The following ASB14 variants were observed in gnomAD, a reference collection of about 807,000 sequenced individuals.
The protein encoded by ASB14 is ankyrin repeat and SOCS box protein 14.
In ASB14, 63 loss-of-function variants were observed where a neutral mutation model predicts 55.6. The ratio of observed to expected loss-of-function variants is 1.13; its 90% CI spans 0.92 to 1.40. The LOEUF is 1.40. ASB14 is among the 40% of genes most tolerant of loss of function. The probability of loss-of-function intolerance (pLI) is 0.00; values close to 1 mark genes in which losing one functional copy is unlikely to be tolerated. For synonymous variants in ASB14, 256 were observed against 259.9 expected (o/e 0.98, Z 0.15); for missense variants, 724 against 710.4 (o/e 1.02, Z -0.22).
intron 10 of ASB14, 155 bp from the exon 11 acceptor site, chr3:57,269,773 C>G (rs1205184485): frequency 7.0e-7 from 1 of 1,418,442 alleles, no homozygotes; most frequent in Non-Finnish European, 9.8e-7. Context: ...GTTGAAATAT[C>G]AAGGAGGAGA....
At chr3:57,283,606 A>C (rs1184222241) in intron 5 of ASB14, among the ~76,000 whole-genome samples, 167 bp from the exon 6 acceptor site, 1 of 152,170 alleles carries the variant, frequency 6.6e-6, no homozygotes, top group African/African-American at 2.4e-5. Context: ...GTGTCAAATA[A>C]TACTTACTGA....
Position 57,291,813 on chromosome 3 carries a change from C to T in ASB14, c.122+99G>A, listed in dbSNP as rs568294467. On this transcript the variant is annotated intron_variant, in intron 2 of 10. Transcript: ENST00000487349. ...TAATTGACAGCTCCTTGGATTCTGACCCTCCTGTTTTTGTCACAACACTAG... is the reference window on the plus strand; with the variant it reads ...TAATTGACAGCTCCTTGGATTCTGATCCTCCTGTTTTTGTCACAACACTAG... 10 of 1,038,046 alleles carry T rather than the reference C, an allele frequency of 9.6e-6. No individual in the cohort carries two copies. The East Asian group carries it at 2.8e-4, about 29-fold the overall frequency. 64.3% of individuals were successfully genotyped at this position (1,038,046 alleles called of 1,614,324 possible).
intron 3 of ASB14, among the ~76,000 whole-genome samples, chr3:57,288,710 T>C (rs1043869040): frequency 0.026 from 2,034 of 77,192 alleles, 32 homozygotes; most frequent in African/African-American, 0.16. Context: ...TATCTTTCCT[T>C]TTTTTTTTTT....
At chr3:57,290,078 TGTTA>T in intron 2 of ASB14, among the ~76,000 whole-genome samples, 1 of 152,322 alleles carries the variant, frequency 6.6e-6, no homozygotes, top group Non-Finnish European at 1.5e-5. Flanking sequence ...TTTAGTATTG[TGTTA>T]GTTTTCTATA....
At chr3:57,279,301 GT>G (rs2061018571) in intron 7 of ASB14, among the ~76,000 whole-genome samples, 1 of 87,798 alleles carries the variant, frequency 1.1e-5, no homozygotes, top group African/African-American at 4.4e-5. Context: ...TTGAGACGGA[GT>G]TTCCTCTTGT....
chr3:57,283,220 T>G lies in ASB14; in HGVS notation c.689A>C (p.Glu230Ala), dbSNP rs1426418164. Residue 230 changes from glutamate to alanine, a missense_variant, in exon 6 of 11, where the codon GAA becomes GCA. Transcript: ENST00000487349. ...LALAAQSGHT[E>A]IMEMLLRKGA... Reference sequence around the variant, plus strand: ...TTTCCGCAGTAACATTTCCATGATTTCAGTGTGTCCACTTTGGGCAGCAAG... The same window carrying G: ...TTTCCGCAGTAACATTTCCATGATTGCAGTGTGTCCACTTTGGGCAGCAAG... 6.4e-7 allele frequency: 1 copy of G among 1,552,104 alleles called. No individual in the cohort carries two copies. Among genetic ancestry groups the G allele is most frequent in the Non-Finnish European group, 8.7e-7 (1 of 1,147,056 alleles).
chr3:57,285,943 G>A (rs532602194), intron 5 of ASB14, among the ~76,000 whole-genome samples: 4 of 152,232 alleles, frequency 2.6e-5, no homozygotes, highest in African/African-American at 9.6e-5. Flanking sequence ...CTCCGATGTT[G>A]GTAGAACATT....
chr3:57,288,729 T>G (rs1189779274), intron 3 of ASB14, among the ~76,000 whole-genome samples: 2 of 126,228 alleles, frequency 1.6e-5, no homozygotes, highest in African/African-American at 6.7e-5. Context: ...TTTTTTTTTT[T>G]TGTGAGACGG....
chr3:57,279,651 T>C (rs1242801783), intron 7 of ASB14, among the ~76,000 whole-genome samples: 1 of 151,526 alleles, frequency 6.6e-6, no homozygotes, highest in Admixed American at 6.6e-5. Context: ...TCAGCCGAGA[T>C]CATGCCACTG....
At position 57,278,775 on chromosome 3, in the gene ASB14, C is replaced by G; in HGVS notation, c.1033G>C (p.Asp345His). 6.2e-7 allele frequency: 1 copy of G among 1,613,330 alleles called. No individual in the cohort carries two copies. The highest frequency in any genetic ancestry group is 1.7e-5 in the Admixed American group (1 of 59,908). The change falls in exon 8 of 11, where the codon GAT becomes CAT. Residue 345 changes from aspartate to histidine, a missense_variant. By Grantham distance (81) the Asp-to-His change is moderately conservative (BLOSUM62 -1). Coordinates refer to ENST00000487349, the MANE Select transcript of ASB14 (RefSeq NM_001142733.3). ...TCGTAGTGTTTGTTAATTCTCTGAT[C>G]CAGCATGAAGTTCACATCAAATCCA... is the stretch of plus-strand genomic sequence containing the variant. ...QAGFDVNFML[D>H]QRINKHYDDH...
At chr3:57,287,305 T>C (rs2061088367) in intron 5 of ASB14, among the ~76,000 whole-genome samples, 1 of 152,196 alleles carries the variant, frequency 6.6e-6, no homozygotes, top group South Asian at 2.1e-4. Flanking sequence ...CTTTAGCTCT[T>C]TCTTCTTGGG....
chr3:57,269,446 C>A lies in ASB14; in HGVS notation c.*195G>T. ...CAGAAGTATGCATACATATTTATGACAGAAGAAGTGGCTCTCAAGAATGTA... is the reference window on the plus strand; with the variant it reads ...CAGAAGTATGCATACATATTTATGAAAGAAGAAGTGGCTCTCAAGAATGTA... On this transcript the variant is annotated 3_prime_UTR_variant, in exon 11 of 11. Coordinates refer to ENST00000487349, the MANE Select transcript of ASB14 (RefSeq NM_001142733.3). 8.9e-7 allele frequency: 1 copy of A among 1,128,034 alleles called. No individual in the cohort carries two copies. The highest frequency in any genetic ancestry group is 1.2e-6 in the Non-Finnish European group (1 of 813,062). The allele number at this position is 1,128,034 out of a possible 1,614,324, so 69.9% of individuals were successfully genotyped here.
intron 9 of ASB14, among the ~76,000 whole-genome samples, chr3:57,277,095 G>A (rs1317403047): frequency 5.9e-5 from 9 of 151,970 alleles, no homozygotes; most frequent in Admixed American, 4.6e-4. Context: ...GTGAAACCCC[G>A]TCTCTATTAA....
chr3:57,283,576 CAG>C (rs770720891), intron 5 of ASB14, 137 bp from the exon 6 acceptor site: 114 of 874,632 alleles, frequency 1.3e-4, no homozygotes, highest in Non-Finnish European at 1.6e-4. Context: ...GTTTAGGAAA[CAG>C]ATTGTAAAGT....
At chr3:57,270,513 G>C (rs1297704461) in intron 10 of ASB14, 1 of 152,574 alleles carries the variant, frequency 6.6e-6, no homozygotes, top group Admixed American at 6.5e-5. Flanking sequence ...TACTGCTATG[G>C]AATGATACAT....
rs898109449 is a variant in ASB14 at position 57,278,817 on chromosome 3, C to A, written c.991G>T (p.Glu331Ter). The A allele has an allele frequency of 6.2e-7, 1 of 1,613,334 alleles. No individual in the cohort carries two copies. The highest frequency in any genetic ancestry group is 1.3e-5 in the African/African-American group (1 of 74,874). Residue 331 changes from glutamate (E) to a stop codon, truncating the protein, a stop_gained, in exon 8 of 11, where the codon GAA becomes TAA. Transcript: ENST00000487349. LOFTEE classifies it high-confidence loss of function. ...AAAGAHPQCL[E>*]LLIQAGFDVN... Reference sequence around the variant, plus strand: ...TCAAATCCAGCCTGGATGAGGAGTTCCAGGCACTGAGGATGTGCTCCTGCT... The same window carrying A: ...TCAAATCCAGCCTGGATGAGGAGTTACAGGCACTGAGGATGTGCTCCTGCT...
chr3:57,287,802 A>G (rs2061091773), intron 5 of ASB14, 99 bp downstream of exon 5: 19 of 1,267,564 alleles, frequency 1.5e-5, no homozygotes, highest in Admixed American at 2.3e-5. Context: ...GAACAGAGTG[A>G]CAGTGCTGCA....
At chr3:57,290,638 A>G (rs1160025455) in intron 2 of ASB14, among the ~76,000 whole-genome samples, 1 of 152,222 alleles carries the variant, frequency 6.6e-6, no homozygotes, top group Non-Finnish European at 1.5e-5. Context: ...AGCCTGCCTA[A>G]GTATCATACA....
chr3:57,284,362 T>C (rs187006042), intron 5 of ASB14, among the ~76,000 whole-genome samples: 7 of 152,272 alleles, frequency 4.6e-5, no homozygotes, highest in Admixed American at 4.6e-4. Context: ...ACCCCTGGGT[T>C]CAAGTGATCT....
Sources: allele counts gnomAD v4.1 joint callset (sites outside exome capture counted in the v4.1 genomes callset), GRCh38; gene constraint gnomAD v4.1.1; transcripts MANE v1.5; gene names NCBI Gene and HGNC (gene_info 2026-07-23, HGNC 2026-07-21).